The following PLXDC2 variants were observed in gnomAD, a reference collection of about 807,000 sequenced individuals.
PLXDC2 encodes plexin domain containing 2, also known as plexin domain-containing protein 2.
PLXDC2 carries 40 observed loss-of-function variants against 68.9 expected under a neutral mutation model. The observed-to-expected ratio is 0.58, with a 90% CI of 0.45 to 0.76. PLXDC2 has a LOEUF of 0.76. Ranked by LOEUF, PLXDC2 falls within the 30% of genes least tolerant of loss-of-function variation. PLXDC2 has a pLI of 0.00. For missense variants in PLXDC2, 644 were observed against 661.9 expected, an observed-to-expected ratio of 0.97 and a Z score of 0.30; for synonymous variants, 243 against 234.2, an observed-to-expected ratio of 1.04 and a Z score of -0.34.
intron 1 of PLXDC2, among the ~76,000 whole-genome samples, chr10:19,957,076 T>A (rs148141659): frequency 0.011 from 1,601 of 152,252 alleles, 29 homozygotes; most frequent in African/African-American, 0.036. Context: ...ATTCAACAAT[T>A]TGGAAATTTT....
At chr10:19,943,442 C>T (rs993251762) in intron 1 of PLXDC2, among the ~76,000 whole-genome samples, 3 of 152,144 alleles carry the variant, frequency 2.0e-5, no homozygotes, top group Non-Finnish European at 2.9e-5. Flanking sequence ...CAAGACCACA[C>T]CTTTGCAGAG....
intron 4 of PLXDC2, among the ~76,000 whole-genome samples, chr10:20,121,585 T>C (rs978544399): frequency 6.6e-6 from 1 of 151,830 alleles, no homozygotes; most frequent in Non-Finnish European, 1.5e-5. Flanking sequence ...AGGGTCAGTC[T>C]AAGTGAAAGC....
chr10:20,051,442 ATG>A (rs1835899567), intron 3 of PLXDC2, among the ~76,000 whole-genome samples: 2 of 116,732 alleles, frequency 1.7e-5, no homozygotes, highest in African/African-American at 6.8e-5. Flanking sequence ...ATATATATAT[ATG>A]TGCTATTATG....
At chr10:20,102,207 C>T (rs1396423755) in intron 4 of PLXDC2, among the ~76,000 whole-genome samples, 2 of 152,190 alleles carry the variant, frequency 1.3e-5, no homozygotes, top group Non-Finnish European at 2.9e-5. Flanking sequence ...CAGAAGTTTT[C>T]TGTCTGCTGT....
chr10:19,983,471 A>G (rs1834586783), intron 1 of PLXDC2, among the ~76,000 whole-genome samples: 1 of 152,274 alleles, frequency 6.6e-6, no homozygotes, highest in South Asian at 2.1e-4. Context: ...TTGGAAGTCA[A>G]GTCAGGTGGA....
intron 12 of PLXDC2, among the ~76,000 whole-genome samples, chr10:20,235,800 A>G (rs186670432): frequency 1.3e-5 from 2 of 152,366 alleles, no homozygotes; most frequent in African/African-American, 2.4e-5. Context: ...GGTTATGCAT[A>G]TAAATGATCT....
chr10:19,952,816 A>C (rs547177964), intron 1 of PLXDC2, among the ~76,000 whole-genome samples: 1 of 152,356 alleles, frequency 6.6e-6, no homozygotes, highest in East Asian at 1.9e-4. Context: ...AGACTTAGTC[A>C]TGAGGGGCAC....
At chr10:19,835,884 G>A (rs887983100) in intron 1 of PLXDC2, among the ~76,000 whole-genome samples, 1 of 152,112 alleles carries the variant, frequency 6.6e-6, no homozygotes, top group African/African-American at 2.4e-5. Flanking sequence ...AAAAAGCATG[G>A]CTGGGATCTG....
chr10:20,258,037 A>T (rs111677546), intron 13 of PLXDC2, among the ~76,000 whole-genome samples: 1,364 of 124,278 alleles, frequency 0.011, 25 homozygotes, highest in African/African-American at 0.039. Context: ...AGTTTTGCAC[A>T]GCCACTCAGG....
Position 20,046,414 on chromosome 10 carries a change from G to A in PLXDC2, c.325-455G>A, listed in dbSNP as rs183127595. 6.3e-4 allele frequency among the ~76,000 whole-genome samples: 96 copies of A among 151,998 alleles called. 1 individual carries two copies. The highest frequency in any genetic ancestry group is 5.4e-3 in the Admixed American group (83 of 15,252). ...AAAACATTTAATCATTATTCTCCAC[G>A]TTTACATTTGGATCATAGTATTTCT... On this transcript the variant is annotated intron_variant, in intron 2 of 13. Coordinates refer to ENST00000377252, the MANE Select transcript of PLXDC2 (RefSeq NM_032812.9).
intron 6 of PLXDC2, among the ~76,000 whole-genome samples, chr10:20,159,165 G>A (rs1834257603): frequency 6.6e-6 from 1 of 152,098 alleles, no homozygotes; most frequent in African/African-American, 2.4e-5. Flanking sequence ...GTCTTTGAAT[G>A]TTTCAGGACT....
intron 1 of PLXDC2, among the ~76,000 whole-genome samples, chr10:19,834,940 A>G (rs1220522714): frequency 6.6e-6 from 1 of 152,152 alleles, no homozygotes; most frequent in Non-Finnish European, 1.5e-5. Context: ...ATGGGAGCAT[A>G]GGTCTTAGCC....
intron 7 of PLXDC2, among the ~76,000 whole-genome samples, chr10:20,172,135 T>C (rs1834455217): frequency 6.6e-6 from 1 of 150,656 alleles, no homozygotes; most frequent in Non-Finnish European, 1.5e-5. Context: ...TTTGCTTCAG[T>C]GGCTGCCTCT....
intron 1 of PLXDC2, among the ~76,000 whole-genome samples, chr10:19,902,344 C>A (rs572420707): frequency 3.3e-5 from 5 of 152,158 alleles, no homozygotes; most frequent in Non-Finnish European, 7.4e-5. Flanking sequence ...TCTATGATTT[C>A]TTTCTGCAGT....
At chr10:20,132,454 C>T (rs893104966) in intron 4 of PLXDC2, among the ~76,000 whole-genome samples, 17 of 152,194 alleles carry the variant, frequency 1.1e-4, no homozygotes, top group African/African-American at 3.4e-4. Flanking sequence ...ATATTGAAGT[C>T]CTCTACTATT....
intron 4 of PLXDC2, among the ~76,000 whole-genome samples, chr10:20,138,597 T>G (rs1483794631): frequency 6.6e-6 from 1 of 152,188 alleles, no homozygotes; most frequent in Non-Finnish European, 1.5e-5. Context: ...CTTTTTAAAG[T>G]TAGTGCAAGA....
intron 4 of PLXDC2, among the ~76,000 whole-genome samples, chr10:20,100,991 T>C (rs1833414897): frequency 6.6e-6 from 1 of 152,216 alleles, no homozygotes; most frequent in Admixed American, 6.5e-5. Context: ...GGTAATTTAA[T>C]TTGAACTTGT....
At chr10:20,027,384 G>A (rs183426978) in intron 2 of PLXDC2, among the ~76,000 whole-genome samples, 3 of 152,220 alleles carry the variant, frequency 2.0e-5, no homozygotes, top group East Asian at 3.9e-4. Context: ...CCTTCTCATT[G>A]TGAGGGTACA....
At chr10:20,000,688 G>C (rs1396056448) in intron 1 of PLXDC2, among the ~76,000 whole-genome samples, 1 of 152,106 alleles carries the variant, frequency 6.6e-6, no homozygotes, top group East Asian at 1.9e-4. Context: ...TCTTAAGTTA[G>C]TTATTAGAGT....
Sources: allele counts gnomAD v4.1 joint callset (sites outside exome capture counted in the v4.1 genomes callset), GRCh38; gene constraint gnomAD v4.1.1; transcripts MANE v1.5; gene names NCBI Gene and HGNC (gene_info 2026-07-23, HGNC 2026-07-21).